SMARCC1: variants seen among roughly 807,000 people sequenced by gnomAD.
SMARCC1 encodes the protein SWI/SNF related BAF chromatin remodeling complex subunit C1, also known as SWI/SNF complex subunit SMARCC1.
In SMARCC1, 43 loss-of-function variants were observed where a neutral mutation model predicts 147.4. The ratio of observed to expected loss-of-function variants is 0.29; its 90% CI spans 0.23 to 0.38. The LOEUF is 0.38. Ranked by LOEUF, SMARCC1 falls within the 10% of genes least tolerant of loss-of-function variation. The probability of loss-of-function intolerance (pLI) is 1.00; values close to 1 mark genes in which losing one functional copy is unlikely to be tolerated. For missense variants in SMARCC1, 1,119 were observed against 1,381.1 expected, an observed-to-expected ratio of 0.81 and a Z score of 3.01; for synonymous variants, 495 against 484.4, an observed-to-expected ratio of 1.02 and a Z score of -0.29.
chr3:47,617,517 T>C (rs1469756341), intron 25 of SMARCC1, among the ~76,000 whole-genome samples: 3 of 152,234 alleles, frequency 2.0e-5, no homozygotes, highest in African/African-American at 7.2e-5. Flanking sequence ...ACGGGAGGCA[T>C]ATATTTACCA....
At chr3:47,762,941 C>G (rs796572639) in intron 2 of SMARCC1, among the ~76,000 whole-genome samples, 2 of 152,180 alleles carry the variant, frequency 1.3e-5, no homozygotes, top group South Asian at 2.1e-4. Flanking sequence ...TGGCAGGCAC[C>G]TGTAGTCCCA....
intron 27 of SMARCC1, among the ~76,000 whole-genome samples, chr3:47,589,458 A>G (rs944306899): frequency 2.0e-5 from 3 of 151,886 alleles, no homozygotes; most frequent in African/African-American, 7.3e-5. Context: ...AAACTGGTCA[A>G]CTCTCTTGAT....
intron 2 of SMARCC1, among the ~76,000 whole-genome samples, chr3:47,759,743 T>C (rs2034751482): frequency 6.6e-6 from 1 of 151,140 alleles, no homozygotes; most frequent in African/African-American, 2.4e-5. Context: ...AAGACCAGCC[T>C]GGCCAACATG....
chr3:47,768,798 A>AT (rs2034872084), intron 2 of SMARCC1, among the ~76,000 whole-genome samples: 1 of 152,226 alleles, frequency 6.6e-6, no homozygotes, highest in East Asian at 1.9e-4. Context: ...AATGATAATG[A>AT]TAAAGCAAAT....
chr3:47,687,128 AAC>A (rs1405768329), intron 13 of SMARCC1, among the ~76,000 whole-genome samples: 2 of 152,216 alleles, frequency 1.3e-5, no homozygotes, highest in Non-Finnish European at 2.9e-5. Context: ...TACTACCTAT[AAC>A]AGTTTCTATA....
At position 47,714,416 on chromosome 3, in the gene SMARCC1, T is replaced by A; in HGVS notation, c.791A>T (p.Lys264Met). The A allele has an allele frequency of 1.9e-6, 3 of 1,562,556 alleles. No individual in the cohort carries two copies. Among genetic ancestry groups the A allele is most frequent in the Non-Finnish European group, 2.6e-6 (3 of 1,137,544 alleles). ...EDPPIPEKPW[K>M]VHVKWILDTD... Reference sequence around the variant, plus strand: ...GATTTTTTTTGTTAAATCATTTACCTTCCATGGTTTTTCTGGAATTGGTGG... The same window carrying A: ...GATTTTTTTTGTTAAATCATTTACCATCCATGGTTTTTCTGGAATTGGTGG... Residue 264 changes from lysine to methionine, a missense_variant and splice_region_variant, in exon 8 of 28, where the codon AAG (lysine) becomes ATG (methionine). By Grantham distance (95) the Lys-to-Met change is moderately conservative. This residue lies in a region of SMARCC1 where 542 missense variants were observed against 611.8 expected (regional missense o/e 0.89). Coordinates refer to ENST00000254480, the MANE Select transcript of SMARCC1 (RefSeq NM_003074.4).
At chr3:47,760,998 T>C (rs751141291) in intron 2 of SMARCC1, among the ~76,000 whole-genome samples, 25 of 151,942 alleles carry the variant, frequency 1.6e-4, no homozygotes, top group Middle Eastern at 3.2e-3. Flanking sequence ...CTGGGTGTAG[T>C]GGTGCACACC....
In SMARCC1 at chr3:47,590,689, C is replaced by T. The variant is rs1467402693; in HGVS notation, c.3192G>A (p.Arg1064=). Residue 1064 remains arginine (R), a synonymous_variant, in exon 27 of 28, where the codon CGG becomes CGA. Transcript: ENST00000254480. ...TGCCGTTAGGTGCTGTCAGGGGTACCCGGGGTCCTAAGATGTTTCCTGGCA... is the reference window on the plus strand; with the variant it reads ...TGCCGTTAGGTGCTGTCAGGGGTACTCGGGGTCCTAAGATGTTTCCTGGCA... The part of the protein sequence containing the change: ...PPMPGNILGP[R]VPLTAPNGMY... 6.4e-7 allele frequency: 1 copy of T among 1,560,026 alleles called. No individual in the cohort carries two copies. Among genetic ancestry groups the T allele is most frequent in the East Asian group, 2.4e-5 (1 of 42,136 alleles).
intron 20 of SMARCC1, 69 bp downstream of exon 20, chr3:47,662,265 G>T: frequency 3.2e-6 from 4 of 1,268,768 alleles, no homozygotes. Context: ...TGAATGTAAC[G>T]GCTGGTAATA....
intron 5 of SMARCC1, among the ~76,000 whole-genome samples, chr3:47,731,357 T>C (rs1242509903): frequency 6.6e-6 from 1 of 152,220 alleles, no homozygotes; most frequent in Non-Finnish European, 1.5e-5. Flanking sequence ...CTGTAGTTAC[T>C]TCCTCTACTA....
At position 47,772,945 on chromosome 3, in the gene SMARCC1, TAA is replaced by T. The variant is rs2034932407; in HGVS notation, c.196-11_196-10del. The T allele has an allele frequency of 6.2e-7, 1 of 1,608,820 alleles. No homozygotes were observed. Among genetic ancestry groups the T allele is most frequent in the Non-Finnish European group, 8.5e-7 (1 of 1,177,004 alleles). ...GCATCCGCATGAACATACTGCAAGATAAAGACAGGCATTCAAAAACTAGTACA... is the reference window on the plus strand; with the variant it reads ...GCATCCGCATGAACATACTGCAAGATAGACAGGCATTCAAAAACTAGTACA... On this transcript the variant is annotated splice_polypyrimidine_tract_variant and intron_variant, in intron 1 of 27. Coordinates refer to ENST00000254480, the MANE Select transcript of SMARCC1 (RefSeq NM_003074.4).
At chr3:47,694,408 T>C (rs2033824059) in intron 11 of SMARCC1, among the ~76,000 whole-genome samples, 1 of 152,044 alleles carries the variant, frequency 6.6e-6, no homozygotes, top group Admixed American at 6.6e-5. Flanking sequence ...TTAGACCAGC[T>C]TGGCCAACAT....
intron 2 of SMARCC1, among the ~76,000 whole-genome samples, chr3:47,765,338 A>G (rs1056027102): frequency 6.6e-6 from 1 of 151,936 alleles, no homozygotes; most frequent in Non-Finnish European, 1.5e-5. Flanking sequence ...GAAGGAACAC[A>G]TACGTTTGTT....
chr3:47,744,443 G>C (rs926688348), intron 3 of SMARCC1, among the ~76,000 whole-genome samples: 9 of 152,038 alleles, frequency 5.9e-5, no homozygotes, highest in Admixed American at 6.6e-5. Flanking sequence ...AAATACACAT[G>C]TAAGTTTGTA....
rs117916982 is a variant in SMARCC1 at position 47,755,240 on chromosome 3, T to G, written c.316-9247A>C. Among the ~76,000 whole-genome samples, 326 of 151,768 alleles carry G rather than the reference T, an allele frequency of 2.1e-3. 9 individuals are homozygous for G. The East Asian group carries it at 0.047, about 22-fold the overall frequency. On this transcript the variant is annotated intron_variant, in intron 2 of 27. Coordinates refer to ENST00000254480, the MANE Select transcript of SMARCC1 (RefSeq NM_003074.4). ...AATTAAGGGCGGGCACGGTGGCTCATGACTGTAACCGCAGCATTTTTGGAG... is the reference window on the plus strand; with the variant it reads ...AATTAAGGGCGGGCACGGTGGCTCAGGACTGTAACCGCAGCATTTTTGGAG...
rs2032109355 is a variant in SMARCC1 at position 47,588,271 on chromosome 3, G to A, written c.3256C>T (p.Pro1086Ser). Residue 1086 changes from proline (P) to serine (S), a missense_variant, in exon 28 of 28, where the codon CCA becomes TCA. Physicochemically the swap from Pro to Ser is moderately conservative, Grantham distance 74. Transcript: ENST00000254480. Reference protein sequence around the residue: ...PPPQQQPPPPPPADGVPPPPA... With the variant: ...PPPQQQPPPPSPADGVPPPPA... Reference sequence around the variant, plus strand: ...GGCGGAGGGACCCCATCTGCAGGTGGTGGTGGCGGTGGCTGCTGCTGTGGT... The same window carrying A: ...GGCGGAGGGACCCCATCTGCAGGTGATGGTGGCGGTGGCTGCTGCTGTGGT... 2.5e-6 allele frequency: 4 copies of A among 1,614,046 alleles called. No individual in the cohort carries two copies. The highest frequency in any genetic ancestry group is 1.1e-5 in the South Asian group (1 of 91,072).
intron 21 of SMARCC1, among the ~76,000 whole-genome samples, chr3:47,653,491 T>C (rs560316961): frequency 6.6e-6 from 1 of 152,304 alleles, no homozygotes; most frequent in South Asian, 2.1e-4. Flanking sequence ...TACACTATTA[T>C]CTTGCTAAGT....
At chr3:47,643,229 C>T (rs2106712363) in intron 21 of SMARCC1, among the ~76,000 whole-genome samples, 1 of 152,288 alleles carries the variant, frequency 6.6e-6, no homozygotes, top group Non-Finnish European at 1.5e-5. Context: ...AGACAGCAAG[C>T]TCAGTGATGC....
chr3:47,721,639 T>C (rs1553687134), intron 6 of SMARCC1, among the ~76,000 whole-genome samples: 1 of 152,182 alleles, frequency 6.6e-6, no homozygotes, highest in Non-Finnish European at 1.5e-5. Flanking sequence ...AGCCTCATTT[T>C]CACTGAATAA....
Sources: gnomAD v4.1 joint callset for allele counts (sites outside exome capture counted in the v4.1 genomes callset) on GRCh38, gnomAD v4.1.1 for gene constraint, gnomAD v4.1.1 regional missense constraint, MANE v1.5 for transcripts, NCBI Gene and HGNC (gene_info 2026-07-23, HGNC 2026-07-21) for gene names.